The following PDGFD variants were observed in gnomAD, a reference collection of about 807,000 sequenced individuals.
PDGFD encodes the protein platelet derived growth factor D.
In PDGFD, 30 loss-of-function variants were observed where a neutral mutation model predicts 44.7. The ratio of observed to expected loss-of-function variants is 0.67; its 90% CI spans 0.50 to 0.91. The LOEUF is 0.91. PDGFD is among the 40% of genes least tolerant of loss of function. The pLI is 0.00. For synonymous variants in PDGFD, 173 were observed against 168.4 expected (o/e 1.03, Z -0.21); for missense variants, 445 against 457.8 (o/e 0.97, Z 0.25).
At chr11:104,061,973 T>C (rs1324702943) in intron 1 of PDGFD, among the ~76,000 whole-genome samples, 1 of 150,940 alleles carries the variant, frequency 6.6e-6, no homozygotes, top group East Asian at 1.9e-4. Context: ...TACTGACCTC[T>C]GCTATCTTAG....
chr11:103,932,367 G>A (rs1333141340), intron 5 of PDGFD, among the ~76,000 whole-genome samples: 1 of 152,108 alleles, frequency 6.6e-6, no homozygotes, highest in Non-Finnish European at 1.5e-5. Flanking sequence ...TGATATATGC[G>A]TTCTGAACAT....
At chr11:104,009,560 A>G (rs1377878161) in intron 1 of PDGFD, among the ~76,000 whole-genome samples, 1 of 152,034 alleles carries the variant, frequency 6.6e-6, no homozygotes, top group African/African-American at 2.4e-5. Context: ...TGATGAGACA[A>G]TGTGCGGTGT....
chr11:104,039,689 A>C (rs1274334490), intron 1 of PDGFD, among the ~76,000 whole-genome samples: 1 of 152,072 alleles, frequency 6.6e-6, no homozygotes, highest in Admixed American at 6.6e-5. Context: ...TGCAATTAAC[A>C]AAAAAAGACA....
intron 1 of PDGFD, among the ~76,000 whole-genome samples, chr11:104,093,023 T>C (rs949279488): frequency 2.0e-5 from 3 of 152,142 alleles, no homozygotes; most frequent in Non-Finnish European, 4.4e-5. Flanking sequence ...AGAGTTTGCA[T>C]GGTTCTTTTC....
chr11:103,961,661 G>A (rs1176586186), intron 3 of PDGFD, among the ~76,000 whole-genome samples: 4 of 152,104 alleles, frequency 2.6e-5, no homozygotes, highest in African/African-American at 7.2e-5. Flanking sequence ...TCTATTCAGC[G>A]ATTCATTTAA....
intron 5 of PDGFD, among the ~76,000 whole-genome samples, chr11:103,935,521 T>C (rs1858475390): frequency 1.3e-5 from 2 of 152,188 alleles, no homozygotes; most frequent in Non-Finnish European, 2.9e-5. Flanking sequence ...TCAGAAAATT[T>C]CTGGATAAAT....
At chr11:104,039,987 T>C (rs1860322296) in intron 1 of PDGFD, among the ~76,000 whole-genome samples, 1 of 152,112 alleles carries the variant, frequency 6.6e-6, no homozygotes. Flanking sequence ...ACACCCCTTC[T>C]GAGGTAGCTA....
At chr11:104,082,393 G>C (rs1290886470) in intron 1 of PDGFD, among the ~76,000 whole-genome samples, 1 of 151,646 alleles carries the variant, frequency 6.6e-6, no homozygotes, top group Non-Finnish European at 1.5e-5. Flanking sequence ...TTTGAAATTG[G>C]CCTTGAAGAA....
chr11:104,040,191 T>G (rs894508569), intron 1 of PDGFD, among the ~76,000 whole-genome samples: 1 of 152,100 alleles, frequency 6.6e-6, no homozygotes, highest in Non-Finnish European at 1.5e-5. Context: ...TAGACTTCAG[T>G]AGGTTTTCAC....
At chr11:104,014,070 A>G (rs1405398049) in intron 1 of PDGFD, among the ~76,000 whole-genome samples, 1 of 152,190 alleles carries the variant, frequency 6.6e-6, no homozygotes, top group Non-Finnish European at 1.5e-5. Flanking sequence ...AATAGAAAAA[A>G]TGGAAATGAC....
intron 1 of PDGFD, among the ~76,000 whole-genome samples, chr11:104,089,164 T>C (rs1193710182): frequency 1.3e-5 from 2 of 152,266 alleles, no homozygotes; most frequent in South Asian, 2.1e-4. Context: ...ATGAGGAGAA[T>C]AGGTTTTGAA....
At chr11:103,909,916 C>T in intron 6 of PDGFD, 97 bp from the exon 7 acceptor site, 2 of 1,435,166 alleles carry the variant, frequency 1.4e-6, no homozygotes, top group South Asian at 2.4e-5. Context: ...AGTTCTTAGC[C>T]CTTTGAGAAC....
chr11:103,907,912 G>C lies in PDGFD; in HGVS notation c.*1782C>G, dbSNP rs1273838910. 1 of 152,170 alleles carries C rather than the reference G, an allele frequency of 6.6e-6. No homozygotes were observed. Among genetic ancestry groups the C allele is most frequent in the Non-Finnish European group, 1.5e-5 (1 of 68,044 alleles). 9.4% of individuals were successfully genotyped at this position (152,170 alleles called of 1,614,324 possible). On this transcript the variant is annotated 3_prime_UTR_variant, in exon 7 of 7. Coordinates refer to ENST00000393158, the MANE Select transcript of PDGFD (RefSeq NM_025208.5). ...ACTCCCCTCTTGAGTAAAAACATCA[G>C]ACACTTTTAGGAAAGTTTTAGAAGG... is the stretch of plus-strand genomic sequence containing the variant.
intron 1 of PDGFD, among the ~76,000 whole-genome samples, chr11:104,050,161 T>C (rs1860509343): frequency 6.6e-6 from 1 of 152,088 alleles, no homozygotes; most frequent in South Asian, 2.1e-4. Flanking sequence ...ACAGTTCTTG[T>C]CTATGAGGGA....
intron 5 of PDGFD, among the ~76,000 whole-genome samples, chr11:103,942,106 A>G (rs529561441): frequency 2.6e-5 from 4 of 152,076 alleles, no homozygotes; most frequent in Non-Finnish European, 5.9e-5. Context: ...TTAACTAATT[A>G]GTCATTTTGT....
chr11:104,018,491 T>C (rs974308256), intron 1 of PDGFD, among the ~76,000 whole-genome samples: 1 of 152,198 alleles, frequency 6.6e-6, no homozygotes, highest in Non-Finnish European at 1.5e-5. Context: ...ATCTGCAGTT[T>C]CGAAGTCAGA....
intron 3 of PDGFD, among the ~76,000 whole-genome samples, chr11:103,985,062 A>T (rs1332214851): frequency 2.3e-5 from 2 of 88,420 alleles, no homozygotes; most frequent in Admixed American, 1.4e-4. Flanking sequence ...ATATATATTA[A>T]TTTATTTAAT....
chr11:104,018,904 T>A (rs753536447), intron 1 of PDGFD, among the ~76,000 whole-genome samples: 2 of 152,208 alleles, frequency 1.3e-5, no homozygotes, highest in African/African-American at 2.4e-5. Flanking sequence ...GGGAAAGAGC[T>A]ATGGCTCTGC....
In PDGFD at chr11:104,035,561, CTTTTTTTTTTT is replaced by C. The variant is rs3050598; in HGVS notation, c.125-35317_125-35307del. On this transcript the variant is annotated intron_variant, in intron 1 of 6. Transcript: ENST00000393158. Reference sequence around the variant, plus strand: ...TTCCTTTCCTTCCTTACTTCTTTTTCTTTTTTTTTTTTTTTTTTTTTGGAGGAGGAATTCTT... The same window carrying C: ...TTCCTTTCCTTCCTTACTTCTTTTTCTTTTTTTTTTGGAGGAGGAATTCTT... Among the ~76,000 whole-genome samples, 497 of 115,280 alleles carry C rather than the reference CTTTTTTTTTTT, an allele frequency of 4.3e-3. 1 individual carries two copies. Among genetic ancestry groups the C allele is most frequent in the Admixed American group, 8.1e-3 (91 of 11,234 alleles). 75.6% of individuals were successfully genotyped at this position (115,280 alleles called of 152,430 possible).
Sources: allele counts gnomAD v4.1 joint callset (sites outside exome capture counted in the v4.1 genomes callset), GRCh38; gene constraint gnomAD v4.1.1; transcripts MANE v1.5; gene names NCBI Gene and HGNC (gene_info 2026-07-23, HGNC 2026-07-21).